HPSE2: variants seen among roughly 807,000 people sequenced by gnomAD.
HPSE2 encodes the protein heparanase 2 (inactive).
A neutral mutation model predicts 60.5 loss-of-function variants in HPSE2; 38 were observed. The observed-to-expected ratio is 0.63, with a 90% CI of 0.48 to 0.82. The LOEUF (loss-of-function observed/expected upper bound fraction) is 0.82. HPSE2 is among the 40% of genes least tolerant of loss of function. The pLI, the probability that HPSE2 is intolerant of heterozygous loss-of-function variation, is 0.00. For missense variants in HPSE2, 713 were observed against 740.4 expected (o/e 0.96, Z 0.43); for synonymous variants, 295 against 293.2 (o/e 1.01, Z -0.06).
At chr10:98,829,157 ATGG>A (rs1016873268) in intron 3 of HPSE2, among the ~76,000 whole-genome samples, 1 of 152,116 alleles carries the variant, frequency 6.6e-6, no homozygotes, top group African/African-American at 2.4e-5. Flanking sequence ...AGTTAGAAGA[ATGG>A]TGGTTGCCAG....
At chr10:99,296,774 G>A in the HPSE2 span, among the ~76,000 whole-genome samples, 1 of 152,188 alleles carries the variant, frequency 6.6e-6, no homozygotes, top group Admixed American at 6.5e-5. Context: ...GCCACAGTCT[G>A]TAAGGTGGCA....
At chr10:99,222,979 C>T (rs1367376433) in intron 2 of HPSE2, among the ~76,000 whole-genome samples, 4 of 152,040 alleles carry the variant, frequency 2.6e-5, no homozygotes, top group Admixed American at 1.3e-4. Flanking sequence ...AATGAATGGA[C>T]GAATAAATAG....
chr10:98,842,585 A>G (rs1565203634), intron 3 of HPSE2, among the ~76,000 whole-genome samples: 1 of 150,288 alleles, frequency 6.7e-6, no homozygotes, highest in Non-Finnish European at 1.5e-5. Flanking sequence ...CAAAATAGAG[A>G]GCAAGTTCCA....
At chr10:98,681,952 G>A (rs554555751) in intron 6 of HPSE2, among the ~76,000 whole-genome samples, 4 of 152,266 alleles carry the variant, frequency 2.6e-5, no homozygotes, top group African/African-American at 9.6e-5. Context: ...GTGGGGTTAT[G>A]TCATAATAAA....
intron 2 of HPSE2, among the ~76,000 whole-genome samples, chr10:99,161,354 C>T (rs1027302912): frequency 1.3e-5 from 2 of 151,968 alleles, no homozygotes; most frequent in South Asian, 2.1e-4. Flanking sequence ...AAATGAAATG[C>T]CATTCAGAAA....
At chr10:99,240,476 T>A (rs1404311704), upstream of HPSE2, among the ~76,000 whole-genome samples, 1 of 150,324 alleles carries the variant, frequency 6.7e-6, no homozygotes, top group Non-Finnish European at 1.5e-5. Flanking sequence ...AGTGGTGCGA[T>A]CTCAGCTCAC....
At chr10:98,848,030 T>C (rs867815720) in intron 3 of HPSE2, among the ~76,000 whole-genome samples, 16 of 152,274 alleles carry the variant, frequency 1.1e-4, no homozygotes, top group African/African-American at 3.9e-4. Flanking sequence ...AGGTGAAAAA[T>C]AGTCGTTAAA....
chr10:99,038,480 G>A (rs1393935680), intron 3 of HPSE2, among the ~76,000 whole-genome samples: 1 of 152,110 alleles, frequency 6.6e-6, no homozygotes, highest in East Asian at 1.9e-4. Flanking sequence ...TATAGAGACA[G>A]AAAACAGATT....
chr10:98,781,287 C>CTTTTTTTTTTT (rs1247238028), intron 3 of HPSE2, among the ~76,000 whole-genome samples: 9 of 132,624 alleles, frequency 6.8e-5, no homozygotes, highest in African/African-American at 2.1e-4. Context: ...ATATCCACTT[C>CTTTTTTTTTTT]TTTTTTTTTT....
intron 3 of HPSE2, among the ~76,000 whole-genome samples, chr10:99,073,230 G>A (rs2135553030): frequency 6.6e-6 from 1 of 152,216 alleles, no homozygotes; most frequent in East Asian, 1.9e-4. Context: ...CATTCAAAAT[G>A]CCCATCAATG....
intron 3 of HPSE2, among the ~76,000 whole-genome samples, chr10:98,894,461 T>G (rs1235149036): frequency 3.3e-5 from 5 of 151,896 alleles, no homozygotes; most frequent in African/African-American, 1.2e-4. Flanking sequence ...CCATTTAAAG[T>G]TCAATAAAAG....
chr10:98,489,649 A>T (rs1272046778), intron 10 of HPSE2, among the ~76,000 whole-genome samples: 1 of 152,136 alleles, frequency 6.6e-6, no homozygotes, highest in Non-Finnish European at 1.5e-5. Flanking sequence ...AGAAAGGGAG[A>T]TTTATTTTCT....
intron 9 of HPSE2, among the ~76,000 whole-genome samples, chr10:98,579,093 C>CA (rs35492775): frequency 0.56 from 85,483 of 151,760 alleles, 24,280 homozygotes; most frequent in Middle Eastern, 0.64. Context: ...ATCTCAGCTG[C>CA]AAAAAATTGG....
intron 3 of HPSE2, among the ~76,000 whole-genome samples, chr10:99,012,098 T>C (rs868826748): frequency 2.1e-4 from 32 of 151,990 alleles, no homozygotes; most frequent in African/African-American, 6.7e-4. Flanking sequence ...AAAAATAATA[T>C]AGCTAAATTA....
intron 2 of HPSE2, among the ~76,000 whole-genome samples, chr10:99,214,166 C>A (rs900525844): frequency 1.3e-5 from 2 of 152,162 alleles, no homozygotes; most frequent in African/African-American, 4.8e-5. Flanking sequence ...TACCATTTCA[C>A]ACCTACTAGG....
At chr10:98,609,069 T>G (rs1462329841) in intron 9 of HPSE2, among the ~76,000 whole-genome samples, 1 of 152,174 alleles carries the variant, frequency 6.6e-6, no homozygotes, top group East Asian at 1.9e-4. Flanking sequence ...GTTTGGAAGC[T>G]CCTCCCCAGA....
At chr10:98,567,748 GGT>G (rs57706769) in intron 9 of HPSE2, among the ~76,000 whole-genome samples, 128,301 of 151,274 alleles carry the variant, frequency 0.85, 55,597 homozygotes, top group East Asian at 1. Flanking sequence ...ACAAATGGAT[GGT>G]GTGTGTGTGT....
chr10:98,974,244 G>A (rs1178100219), intron 3 of HPSE2, among the ~76,000 whole-genome samples: 1 of 151,962 alleles, frequency 6.6e-6, no homozygotes, highest in Non-Finnish European at 1.5e-5. Flanking sequence ...AGCTGAGATC[G>A]TACCATTGCA....
intron 2 of HPSE2, among the ~76,000 whole-genome samples, chr10:99,208,122 TTC>T (rs1350837453): frequency 6.6e-6 from 1 of 151,554 alleles, no homozygotes; most frequent in East Asian, 1.9e-4. Context: ...TTCTTCCTCT[TTC>T]TCTCTCAAAA....
Sources: allele counts gnomAD v4.1 joint callset (sites outside exome capture counted in the v4.1 genomes callset), GRCh38; gene constraint gnomAD v4.1.1; transcripts MANE v1.5; gene names NCBI Gene and HGNC (gene_info 2026-07-23, HGNC 2026-07-21).